The following FAM178B variants were observed in gnomAD, a reference collection of about 807,000 sequenced individuals.
FAM178B encodes the protein family with sequence similarity 178 member B.
Under a neutral mutation model 91.7 loss-of-function variants are expected in FAM178B, and 82 were observed. That is an observed-to-expected ratio of 0.89 (90% CI 0.75 to 1.07). The LOEUF is 1.07. Among genes scored for constraint, FAM178B ranks in the 50% least tolerant of loss-of-function variants. The pLI, the probability that FAM178B is intolerant of heterozygous loss-of-function variation, is 0.00. For missense variants in FAM178B, 769 were observed against 846.7 expected, an observed-to-expected ratio of 0.91 and a Z score of 1.14; for synonymous variants, 368 against 359.4, an observed-to-expected ratio of 1.02 and a Z score of -0.27.
intron 8 of FAM178B, among the ~76,000 whole-genome samples, chr2:96,933,162 A>G (rs13393393): frequency 0.31 from 46,666 of 151,560 alleles, 12,100 homozygotes; most frequent in African/African-American, 0.71. Flanking sequence ...AGAACTGCTT[A>G]AACCCAGGAG....
At chr2:96,885,605 T>C (rs2080498738) in intron 14 of FAM178B, among the ~76,000 whole-genome samples, 1 of 152,198 alleles carries the variant, frequency 6.6e-6, no homozygotes, top group African/African-American at 2.4e-5. Context: ...TCCCCATTCC[T>C]CCATCCGCCG....
intron 12 of FAM178B, among the ~76,000 whole-genome samples, chr2:96,910,005 G>A (rs192995080): frequency 1.3e-5 from 2 of 152,258 alleles, no homozygotes; most frequent in African/African-American, 4.8e-5. Context: ...ATTCCTTCAT[G>A]CCGAACCCAG....
intron 4 of FAM178B, among the ~76,000 whole-genome samples, chr2:96,968,077 C>T (rs1257010): frequency 6.6e-6 from 1 of 151,436 alleles, no homozygotes; most frequent in African/African-American, 2.4e-5. Flanking sequence ...GGCAAGCACT[C>T]GGATTCGTTC....
At chr2:96,953,695 G>A (rs1234910659) in intron 6 of FAM178B, among the ~76,000 whole-genome samples, 1 of 152,214 alleles carries the variant, frequency 6.6e-6, no homozygotes, top group Non-Finnish European at 1.5e-5. Context: ...TGGCTTTCAA[G>A]GAATTCTGTG....
At chr2:96,933,386 G>A (rs2081574716) in intron 8 of FAM178B, among the ~76,000 whole-genome samples, 1 of 152,190 alleles carries the variant, frequency 6.6e-6, no homozygotes, top group South Asian at 2.1e-4. Context: ...GGGTATGGGG[G>A]GAAGATAGAG....
At chr2:96,947,630 G>A (rs571958962) in intron 8 of FAM178B, among the ~76,000 whole-genome samples, 188 bp downstream of exon 8, 2 of 152,280 alleles carry the variant, frequency 1.3e-5, no homozygotes, top group South Asian at 2.1e-4. Context: ...TCAAGGTGCC[G>A]AGGAGCCTGT....
chr2:96,977,399 A>AG (rs2082305143), intron 1 of FAM178B, among the ~76,000 whole-genome samples: 2 of 150,016 alleles, frequency 1.3e-5, no homozygotes, highest in African/African-American at 4.9e-5. Flanking sequence ...AAAAAAAAAA[A>AG]AAAAGAAAAA....
chr2:96,980,423 G>A (rs1412213335), intron 1 of FAM178B, among the ~76,000 whole-genome samples: 1 of 145,720 alleles, frequency 6.9e-6, no homozygotes, highest in Non-Finnish European at 1.5e-5. Flanking sequence ...TTGGAGATGA[G>A]GTCTTGCTCT....
chr2:96,885,114 A>G (rs1349613867), intron 14 of FAM178B, among the ~76,000 whole-genome samples: 1 of 152,230 alleles, frequency 6.6e-6, no homozygotes, highest in Non-Finnish European at 1.5e-5. Flanking sequence ...TGACCCAAAC[A>G]CGGTCCCTAA....
intron 1 of FAM178B, chr2:96,978,029 A>G: frequency 2.5e-6 from 1 of 405,772 alleles, no homozygotes; most frequent in South Asian, 1.8e-5. Flanking sequence ...CGGAAAAAAA[A>G]TGACACAACT....
Position 96,931,530 on chromosome 2 carries a change from C to T in FAM178B, c.1079-2210G>A, listed in dbSNP as rs191588533. ...TTTTCTGACACAGAGACAGAAAAGA[C>T]GGAGGCAGGGCAGCACAAAGCAGCA... On this transcript the variant is annotated intron_variant, in intron 8 of 16. Coordinates refer to ENST00000490605, the MANE Select transcript of FAM178B (RefSeq NM_001122646.3). Among the ~76,000 whole-genome samples, 92 of 152,204 alleles carry T rather than the reference C, an allele frequency of 6.0e-4. 1 individual carries two copies. The highest frequency in any genetic ancestry group is 2.1e-3 in the African/African-American group (88 of 41,524).
At chr2:96,946,153 T>C (rs2081824421) in intron 8 of FAM178B, among the ~76,000 whole-genome samples, 1 of 152,238 alleles carries the variant, frequency 6.6e-6, no homozygotes. Context: ...TCACTCAGCG[T>C]AATGTTTTCA....
intron 14 of FAM178B, among the ~76,000 whole-genome samples, chr2:96,887,313 C>A (rs1209759140): frequency 6.6e-6 from 1 of 152,194 alleles, no homozygotes; most frequent in East Asian, 1.9e-4. Flanking sequence ...AGATGATCCT[C>A]CTGCCTCAAC....
At chr2:96,954,438 C>T (rs968338119) in intron 6 of FAM178B, among the ~76,000 whole-genome samples, 3 of 152,236 alleles carry the variant, frequency 2.0e-5, no homozygotes, top group Non-Finnish European at 4.4e-5. Flanking sequence ...GCTCAGCACA[C>T]GGGCCTTCCT....
At chr2:96,969,509 G>C (rs2082188716) in intron 4 of FAM178B, among the ~76,000 whole-genome samples, 1 of 152,212 alleles carries the variant, frequency 6.6e-6, no homozygotes, top group Non-Finnish European at 1.5e-5. Flanking sequence ...CCCCCAGTGT[G>C]TGCCATCCTG....
At chr2:96,906,925 C>T (rs1351023209) in intron 12 of FAM178B, among the ~76,000 whole-genome samples, 1 of 152,052 alleles carries the variant, frequency 6.6e-6, no homozygotes, top group Non-Finnish European at 1.5e-5. Context: ...TGCGCGGGAG[C>T]TCGTTTACTC....
Position 96,972,029 on chromosome 2 carries a change from G to A in FAM178B, c.436C>T (p.Leu146=). The change falls in exon 3 of 17, where the codon CTG becomes TTG. Residue 146 remains leucine (L), a synonymous_variant. Coordinates refer to ENST00000490605, the MANE Select transcript of FAM178B (RefSeq NM_001122646.3). ...AACTCCTCGGGCAGCTCACCAGCCA[G>A]TCTCCTCAGGCCCTGGGGGCCCACC... ...GVVGPQGLRR[L]AGELPEELEQ... is the part of the protein sequence containing the mutation. 6.4e-7 allele frequency: 1 copy of A among 1,552,212 alleles called. No individual in the cohort carries two copies. The highest frequency in any genetic ancestry group is 8.7e-7 in the Non-Finnish European group (1 of 1,147,660).
At position 96,921,153 on chromosome 2, in the gene FAM178B, A is replaced by G; in HGVS notation, c.1562+12T>C. Reference sequence around the variant, plus strand: ...TGTGAGAGGGAGGAGGCAGCGGGGGAGCAGCACGCACCTGCTCCGGGAGGT... The same window carrying G: ...TGTGAGAGGGAGGAGGCAGCGGGGGGGCAGCACGCACCTGCTCCGGGAGGT... On this transcript the variant is annotated intron_variant, in intron 12 of 16. Coordinates refer to ENST00000490605, the MANE Select transcript of FAM178B (RefSeq NM_001122646.3). 1 of 1,548,590 alleles carries G rather than the reference A, an allele frequency of 6.5e-7. No individual in the cohort carries two copies. Among genetic ancestry groups the G allele is most frequent in the Non-Finnish European group, 8.7e-7 (1 of 1,144,560 alleles).
intron 13 of FAM178B, chr2:96,898,203 C>T (rs899483560): frequency 1.3e-5 from 11 of 826,550 alleles, no homozygotes; most frequent in East Asian, 1.2e-4. Flanking sequence ...AAGGGAGGGA[C>T]GGCCCTTGTC....
Sources: allele counts gnomAD v4.1 joint callset (sites outside exome capture counted in the v4.1 genomes callset), GRCh38; gene constraint gnomAD v4.1.1; transcripts MANE v1.5; gene names NCBI Gene and HGNC (gene_info 2026-07-23, HGNC 2026-07-21).